The following DENND5A variants were observed in gnomAD, a reference collection of about 807,000 sequenced individuals.
DENND5A encodes the protein DENN domain-containing protein 5A.
Under a neutral mutation model 140.3 loss-of-function variants are expected in DENND5A, and 64 were observed. The observed-to-expected ratio is 0.46, with a 90% confidence interval of 0.37 to 0.56. The LOEUF is 0.56. DENND5A is among the 20% of genes least tolerant of loss of function. The pLI is 0.00. For synonymous variants in DENND5A, 605 were observed against 607.7 expected (o/e 1.00, Z 0.07); for missense variants, 1,292 against 1,593.8 (o/e 0.81, Z 3.22).
At chr11:9,142,956 T>G (rs1847297430) in intron 20 of DENND5A, 111 bp from the exon 21 acceptor site, 1 of 1,416,800 alleles carries the variant, frequency 7.1e-7, no homozygotes, top group Admixed American at 2.3e-5. Context: ...AAAGACAGGC[T>G]AGGACTTTGT....
intron 15 of DENND5A, among the ~76,000 whole-genome samples, chr11:9,147,593 AG>A (rs1847476011): frequency 1.3e-5 from 2 of 152,234 alleles, no homozygotes; most frequent in South Asian, 4.1e-4. Flanking sequence ...AGTAGATCTG[AG>A]AGCCACAAGT....
chr11:9,238,617 T>C (rs1034589184), intron 1 of DENND5A, among the ~76,000 whole-genome samples: 3 of 151,874 alleles, frequency 2.0e-5, no homozygotes, highest in Non-Finnish European at 4.4e-5. Context: ...GGTTTCACCA[T>C]GTTAGCCAGG....
At chr11:9,192,965 C>T (rs1184921870) in intron 5 of DENND5A, among the ~76,000 whole-genome samples, 2 of 152,212 alleles carry the variant, frequency 1.3e-5, no homozygotes, top group Non-Finnish European at 2.9e-5. Context: ...TGGCTCATGC[C>T]TATAATCCCA....
At chr11:9,172,373 A>G (rs547608335) in intron 8 of DENND5A, 2 of 152,226 alleles carry the variant, frequency 1.3e-5, no homozygotes, top group Non-Finnish European at 2.9e-5. Flanking sequence ...TTGTATATAG[A>G]GAAGATCAAA....
At chr11:9,256,032 A>G (rs1404021744) in intron 1 of DENND5A, among the ~76,000 whole-genome samples, 6 of 143,294 alleles carry the variant, frequency 4.2e-5, no homozygotes, top group Non-Finnish European at 3.0e-5. Context: ...TCTCAAAAAA[A>G]AAAAAAAAGG....
chr11:9,251,138 CAAA>C (rs887593530), intron 1 of DENND5A, among the ~76,000 whole-genome samples: 5 of 90,000 alleles, frequency 5.6e-5, no homozygotes, highest in African/African-American at 1.9e-4. Context: ...CCATCTCAAA[CAAA>C]AAAAAAAAAA....
chr11:9,249,144 C>T (rs987608484), intron 1 of DENND5A, among the ~76,000 whole-genome samples: 20 of 151,850 alleles, frequency 1.3e-4, no homozygotes, highest in African/African-American at 4.3e-4. Flanking sequence ...AGGAGAATGG[C>T]GTGAACCCGG....
chr11:9,169,400 C>T (rs1156452568), intron 10 of DENND5A, among the ~76,000 whole-genome samples: 3 of 151,994 alleles, frequency 2.0e-5, no homozygotes, highest in South Asian at 4.2e-4. Flanking sequence ...GAGCCGAGAT[C>T]GCTCCACTGC....
chr11:9,236,250 C>T (rs570848735), intron 1 of DENND5A, among the ~76,000 whole-genome samples: 3 of 144,032 alleles, frequency 2.1e-5, no homozygotes, highest in East Asian at 4.2e-4. Context: ...AAATAAAGTT[C>T]GCTGGGCGCA....
chr11:9,209,636 C>T (rs1409190967), intron 1 of DENND5A, among the ~76,000 whole-genome samples: 1 of 152,064 alleles, frequency 6.6e-6, no homozygotes, highest in Non-Finnish European at 1.5e-5. Context: ...GTATTTTCTC[C>T]ATAAGGGGAA....
chr11:9,166,617 A>G lies in DENND5A; in HGVS notation c.2152-650T>C, dbSNP rs559305581. Among the ~76,000 whole-genome samples the G allele has an allele frequency of 2.2e-3, 338 of 152,044 alleles. 4 individuals carry two copies. The highest frequency in any genetic ancestry group is 8.0e-3 in the African/African-American group (330 of 41,476). ...GGGAGGCTGAGGTGGGTGGATCACA[A>G]GGTCAGGAGTTCAAGACCAGCCTGG... On this transcript the variant is annotated intron_variant, in intron 10 of 22. Transcript: ENST00000328194.
Position 9,193,599 on chromosome 11 carries a change from A to T in DENND5A, c.1032T>A (p.Ile344=). ...AGAAATGCAGGAGAGAAGCTGGGAG[A>T]ATAGGGACATAGACATGCTGCCACT... ...PFQWQHVYVP[I]LPASLLHFLD... is the part of the protein sequence containing the mutation. The change falls in exon 5 of 23, where the codon ATT becomes ATA. Residue 344 remains isoleucine, a synonymous_variant. Transcript: ENST00000328194. The T allele has an allele frequency of 6.2e-7, 1 of 1,614,080 alleles. No homozygotes were observed. The highest frequency in any genetic ancestry group is 8.5e-7 in the Non-Finnish European group (1 of 1,179,986).
At chr11:9,252,936 A>G (rs573292213) in intron 1 of DENND5A, among the ~76,000 whole-genome samples, 4 of 150,762 alleles carry the variant, frequency 2.7e-5, no homozygotes, top group African/African-American at 9.8e-5. Context: ...CACAGTCTGG[A>G]CCTCCCTGGA....
rs758647267 is a variant in DENND5A, at chr11:9,152,418, G to A, written c.2461C>T (p.Leu821=). The part of the protein sequence containing the change: ...KQGKSALWSH[L]LHYQDNRQRK... ...TGCCGGTTGTCCTGATAATGTAACA[G>A]GTGGGACCATAAGGCTGATTTCCCC... Residue 821 remains leucine, a synonymous_variant, in exon 13 of 23, where the codon CTG becomes TTG. Transcript: ENST00000328194. 1 of 1,613,818 alleles carries A rather than the reference G, an allele frequency of 6.2e-7. No individual in the cohort carries two copies. Among genetic ancestry groups the A allele is most frequent in the Admixed American group, 1.7e-5 (1 of 60,020 alleles).
chr11:9,144,628 A>G (rs986914787), intron 18 of DENND5A, among the ~76,000 whole-genome samples: 4 of 151,994 alleles, frequency 2.6e-5, no homozygotes, highest in African/African-American at 9.7e-5. Flanking sequence ...TGTCTCTACT[A>G]AAAACACAAA....
intron 8 of DENND5A, among the ~76,000 whole-genome samples, chr11:9,174,470 C>A (rs747591748): frequency 6.8e-6 from 1 of 146,904 alleles, no homozygotes; most frequent in Non-Finnish European, 1.5e-5. Flanking sequence ...TCAGACAAAA[C>A]AGATTTCACA....
intron 1 of DENND5A, among the ~76,000 whole-genome samples, chr11:9,260,828 GTTTT>G (rs916561959): frequency 1.3e-5 from 2 of 152,164 alleles, no homozygotes; most frequent in African/African-American, 2.4e-5. Flanking sequence ...GCTTATTTGG[GTTTT>G]TTTATTTTTT....
chr11:9,178,882 C>T lies in DENND5A; in HGVS notation c.1647G>A (p.Arg549=), dbSNP rs1412954733. ...SQDKESWFTN[R]EQMQNFDKAS... is the part of the protein sequence containing the mutation. ...CTTTATCAAAGTTTTGCATTTGCTC[C>T]CTGTTGGTAAACCAGGATTCCTTAT... The change falls in exon 7 of 23, where the codon AGG becomes AGA. Residue 549 remains arginine (R), a synonymous_variant. Coordinates refer to ENST00000328194, the MANE Select transcript of DENND5A (RefSeq NM_015213.4). 6.2e-7 allele frequency: 1 copy of T among 1,614,038 alleles called. No individual in the cohort carries two copies. The highest frequency in any genetic ancestry group is 8.5e-7 in the Non-Finnish European group (1 of 1,179,990).
rs79980700 is a variant in DENND5A, at chr11:9,193,464, G to A, written c.1137+30C>T. 5.1e-4 allele frequency: 787 copies of A among 1,538,024 alleles called. 4 individuals carry two copies. In the African/African-American group the frequency reaches 9.8e-3, roughly 19 times the overall value. ...CCTTCTCTCCCCAATCCTGGATTGG[G>A]GCCAGAGGCACCAACACTCAAGATC... On this transcript the variant is annotated intron_variant, in intron 5 of 22. Transcript: ENST00000328194.
Sources: allele counts gnomAD v4.1 joint callset (sites outside exome capture counted in the v4.1 genomes callset), GRCh38; gene constraint gnomAD v4.1.1; transcripts MANE v1.5; gene names NCBI Gene and HGNC (gene_info 2026-07-23, HGNC 2026-07-21).